Variants in NUFIP1 observed in about 807,000 individuals in gnomAD.
NUFIP1 encodes FMR1-interacting protein NUFIP1.
In NUFIP1, 38 loss-of-function variants were observed where a neutral mutation model predicts 56.2. The observed-to-expected ratio is 0.68, with a 90% confidence interval of 0.52 to 0.89. The LOEUF (loss-of-function observed/expected upper bound fraction) is 0.89, where lower values mean the gene tolerates loss of function less well. Among genes scored for constraint, NUFIP1 ranks in the 40% least tolerant of loss-of-function variants. The pLI, the probability that NUFIP1 is intolerant of heterozygous loss-of-function variation, is 0.00. For missense variants in NUFIP1, 567 were observed against 605.8 expected (o/e 0.94, Z 0.67); for synonymous variants, 215 against 212.4 (o/e 1.01, Z -0.10).
chr13:44,952,084 C>T (rs1871100500), intron 7 of NUFIP1, among the ~76,000 whole-genome samples: 1 of 152,112 alleles, frequency 6.6e-6, no homozygotes, highest in Non-Finnish European at 1.5e-5. Flanking sequence ...GCACATATCC[C>T]CTTTTCTGAC....
intron 6 of NUFIP1, among the ~76,000 whole-genome samples, chr13:44,962,879 C>T (rs758922171): frequency 2.4e-4 from 36 of 152,140 alleles, no homozygotes; most frequent in Admixed American, 4.6e-4. Flanking sequence ...CAGTAACACA[C>T]GGTACAGGGC....
chr13:44,974,302 T>C (rs1324898494), intron 5 of NUFIP1, among the ~76,000 whole-genome samples: 1 of 151,956 alleles, frequency 6.6e-6, no homozygotes, highest in Non-Finnish European at 1.5e-5. Flanking sequence ...TGGAGGATAA[T>C]GGAAGAAGGA....
At chr13:44,988,902 G>A (rs755840654) in intron 1 of NUFIP1, 123 bp downstream of exon 1, 1 of 938,686 alleles carries the variant, frequency 1.1e-6, no homozygotes, top group Non-Finnish European at 1.6e-6. Flanking sequence ...GCTTTGAGAT[G>A]CTAATGACCA....
At chr13:44,946,086 G>A (rs972510997) in intron 8 of NUFIP1, among the ~76,000 whole-genome samples, 1 of 151,948 alleles carries the variant, frequency 6.6e-6, no homozygotes, top group African/African-American at 2.4e-5. Context: ...TGATAAATAA[G>A]AAAAACCAGG....
intron 8 of NUFIP1, among the ~76,000 whole-genome samples, chr13:44,946,595 TCTTA>T (rs1309637863): frequency 1.3e-5 from 2 of 152,216 alleles, no homozygotes; most frequent in African/African-American, 2.4e-5. Context: ...TTTGCTTCAG[TCTTA>T]CTTGAGGGAC....
rs747175322 is a variant in NUFIP1 at position 44,956,649 on chromosome 13, C to T, written c.1021+2732G>A. Among the ~76,000 whole-genome samples the T allele has an allele frequency of 6.6e-5, 10 of 152,276 alleles. No individual in the cohort carries two copies. In the East Asian group the frequency reaches 1.9e-3, roughly 29 times the overall value. On this transcript the variant is annotated intron_variant, in intron 7 of 9. Transcript: ENST00000379161. ...AGAAGCACACAACCTAAATCCCTCA[C>T]GTGCACAGTTCACAATAGGGTTCAC...
chr13:44,989,239 C>A lies in NUFIP1; in HGVS notation c.198G>T (p.Gln66His), dbSNP rs1287299138. 6.2e-7 allele frequency: 1 copy of A among 1,612,586 alleles called. No homozygotes were observed. The highest frequency in any genetic ancestry group is 8.5e-7 in the Non-Finnish European group (1 of 1,179,314). Residue 66 changes from glutamine (Q) to histidine (H), a missense_variant, in exon 1 of 10, where the codon CAG becomes CAT. Transcript: ENST00000379161. ...GGAGAGACTGGGCCTCCATGGGGGG[C>A]TGCGACTCAGAGGAAGGCTTTGACC... is the stretch of plus-strand genomic sequence containing the variant. ...AAGSKPSSESQPPMEAQSLPG... is the reference protein window; with the variant it reads ...AAGSKPSSESHPPMEAQSLPG...
intron 5 of NUFIP1, among the ~76,000 whole-genome samples, chr13:44,969,607 G>A (rs1871734298): frequency 6.6e-6 from 1 of 152,100 alleles, no homozygotes; most frequent in Non-Finnish European, 1.5e-5. Context: ...TTCACTAAGA[G>A]GAAATGGTCC....
intron 5 of NUFIP1, among the ~76,000 whole-genome samples, chr13:44,966,656 C>T (rs975548357): frequency 6.6e-6 from 1 of 151,950 alleles, no homozygotes; most frequent in Non-Finnish European, 1.5e-5. Flanking sequence ...CTAGGTATAT[C>T]GAAGTTACCA....
At chr13:44,966,503 T>C (rs377042895) in intron 5 of NUFIP1, among the ~76,000 whole-genome samples, 37 of 151,864 alleles carry the variant, frequency 2.4e-4, no homozygotes, top group Admixed American at 9.2e-4. Flanking sequence ...TTTGTAGAGA[T>C]GGGGTTTCAC....
intron 7 of NUFIP1, among the ~76,000 whole-genome samples, chr13:44,951,148 G>C (rs1342873703): frequency 6.6e-6 from 1 of 152,144 alleles, no homozygotes. Flanking sequence ...TTAATAAAGG[G>C]AAAGGAAAGT....
intron 5 of NUFIP1, among the ~76,000 whole-genome samples, chr13:44,966,742 G>A (rs1164349981): frequency 6.6e-6 from 1 of 151,954 alleles, no homozygotes; most frequent in Non-Finnish European, 1.5e-5. Context: ...GGGAGGTTGA[G>A]GTGGGCGGAT....
intron 6 of NUFIP1, 44 bp downstream of exon 6, chr13:44,965,800 T>C: frequency 8.8e-7 from 1 of 1,132,142 alleles, no homozygotes; most frequent in South Asian, 1.6e-5. Flanking sequence ...TTTAAGATTT[T>C]GTTTTGTGCT....
rs1429791213 is a variant in NUFIP1 at position 44,962,777 on chromosome 13, G to GA, written c.827+3066_827+3067insT. Reference sequence around the variant, plus strand: ...CTATTCATGGTAAGTGTCCCATTCAGGTATACCATTTTTTGCCTTTAATGG... The same window carrying GA: ...CTATTCATGGTAAGTGTCCCATTCAGAGTATACCATTTTTTGCCTTTAATGG... On this transcript the variant is annotated intron_variant, in intron 6 of 9. Transcript: ENST00000379161. 2.0e-5 allele frequency among the ~76,000 whole-genome samples: 3 copies of GA among 151,990 alleles called. No homozygotes were observed. In the East Asian group the frequency reaches 5.8e-4, roughly 29 times the overall value.
At chr13:44,969,694 T>A (rs188139757) in intron 5 of NUFIP1, among the ~76,000 whole-genome samples, 1 of 152,334 alleles carries the variant, frequency 6.6e-6, no homozygotes, top group South Asian at 2.1e-4. Flanking sequence ...CTATACCTTA[T>A]GCCTCCAGTG....
chr13:44,958,726 T>C (rs1871324805), intron 7 of NUFIP1, among the ~76,000 whole-genome samples: 1 of 152,228 alleles, frequency 6.6e-6, no homozygotes, highest in African/African-American at 2.4e-5. Context: ...ACAATGTTAC[T>C]GGAGAAAAAT....
chr13:44,978,165 G>A (rs965358883), intron 5 of NUFIP1, among the ~76,000 whole-genome samples: 1 of 152,044 alleles, frequency 6.6e-6, no homozygotes. Context: ...CTGAATCTTC[G>A]TGCTTCTGCT....
Position 44,979,959 on chromosome 13 carries a change from G to A in NUFIP1, c.595-7C>T, listed in dbSNP as rs571028790. The A allele has an allele frequency of 1.3e-6, 2 of 1,583,318 alleles. No individual in the cohort carries two copies. The highest frequency in any genetic ancestry group is 2.7e-5 in the African/African-American group (2 of 73,186). On this transcript the variant is annotated splice_region_variant and splice_polypyrimidine_tract_variant and intron_variant, in intron 3 of 9. Transcript: ENST00000379161. ...AGCAATCTAATTCAGGGCACTATGA[G>A]TTTTTAAAAGAAAAAAAAAACTATT...
Position 44,943,516 on chromosome 13 carries a change from T to C in NUFIP1, c.1297A>G (p.Lys433Glu), listed in dbSNP as rs1031664948. Reference sequence around the variant, plus strand: ...TAGTTGTGATAATCTTTTTTCCTCTTAGGGTTTGTTTTTTCAAAGCTTTTC... The same window carrying C: ...TAGTTGTGATAATCTTTTTTCCTCTCAGGGTTTGTTTTTTCAAAGCTTTTC... Reference protein sequence around the residue: ...RKKSFEKTNPKRKKDYHNYQT... With the variant: ...RKKSFEKTNPERKKDYHNYQT... Residue 433 changes from lysine to glutamate, a missense_variant, in exon 9 of 10, where the codon AAG becomes GAG. Physicochemically the swap from Lys to Glu is moderately conservative, Grantham distance 56. Coordinates refer to ENST00000379161, the MANE Select transcript of NUFIP1 (RefSeq NM_012345.3). The C allele has an allele frequency of 1.2e-6, 2 of 1,614,054 alleles. No homozygotes were observed. The highest frequency in any genetic ancestry group is 1.7e-6 in the Non-Finnish European group (2 of 1,180,026).
Sources: allele counts gnomAD v4.1 joint callset (sites outside exome capture counted in the v4.1 genomes callset), GRCh38; gene constraint gnomAD v4.1.1; transcripts MANE v1.5; gene names NCBI Gene and HGNC (gene_info 2026-07-23, HGNC 2026-07-21).